Variants in MAGI2 observed in about 807,000 individuals in gnomAD.
MAGI2 encodes membrane associated guanylate kinase, WW and PDZ domain containing 2, also known as membrane-associated guanylate kinase, WW and PDZ domain-containing protein 2.
MAGI2 carries 35 observed loss-of-function variants against 133.3 expected under a neutral mutation model. That is an observed-to-expected ratio of 0.26 (90% CI 0.20 to 0.35). The LOEUF (loss-of-function observed/expected upper bound fraction) is 0.35. MAGI2 is among the 10% of genes least tolerant of loss of function. MAGI2 has a pLI of 1.00. For missense variants in MAGI2, 1,636 were observed against 1,863.4 expected, an observed-to-expected ratio of 0.88 and a Z score of 2.25; for synonymous variants, 729 against 710.6, an observed-to-expected ratio of 1.03 and a Z score of -0.41.
intron 10 of MAGI2, among the ~76,000 whole-genome samples, chr7:78,227,883 T>TGTGTGTGTG (rs1563292086): frequency 2.0e-5 from 3 of 149,316 alleles, no homozygotes; most frequent in South Asian, 2.1e-4. Flanking sequence ...TGTGTGTGTG[T>TGTGTGTGTG]TTTAAACCCT....
intron 1 of MAGI2, among the ~76,000 whole-genome samples, chr7:79,421,749 A>T (rs1002793087): frequency 6.6e-6 from 1 of 152,058 alleles, no homozygotes; most frequent in African/African-American, 2.4e-5. Flanking sequence ...AGACATTCAC[A>T]ACACAGACTG....
At chr7:78,730,113 A>C (rs1821224415) in intron 2 of MAGI2, among the ~76,000 whole-genome samples, 1 of 152,176 alleles carries the variant, frequency 6.6e-6, no homozygotes, top group Admixed American at 6.5e-5. Flanking sequence ...TCAAAGCTAG[A>C]AATGTTTATT....
chr7:79,295,038 A>G (rs994574916), intron 1 of MAGI2, among the ~76,000 whole-genome samples: 1 of 151,934 alleles, frequency 6.6e-6, no homozygotes, highest in Non-Finnish European at 1.5e-5. Flanking sequence ...GCAACTGGCC[A>G]TATTGTGGTA....
At chr7:79,084,945 T>C (rs2129542134) in intron 1 of MAGI2, among the ~76,000 whole-genome samples, 1 of 152,024 alleles carries the variant, frequency 6.6e-6, no homozygotes, top group Admixed American at 6.6e-5. Context: ...GTTGATGTTA[T>C]CGAGAACTCA....
chr7:78,629,002 T>G (rs1354944267), intron 2 of MAGI2, among the ~76,000 whole-genome samples: 1 of 152,086 alleles, frequency 6.6e-6, no homozygotes, highest in Non-Finnish European at 1.5e-5. Context: ...GCTGCACACT[T>G]TAACTGCTTG....
At chr7:78,775,718 G>A (rs761605126) in intron 2 of MAGI2, among the ~76,000 whole-genome samples, 1 of 152,146 alleles carries the variant, frequency 6.6e-6, no homozygotes, top group Non-Finnish European at 1.5e-5. Context: ...AAAGGATTTA[G>A]CTTTTTTAAT....
chr7:78,351,173 G>A (rs1396044442), intron 7 of MAGI2, among the ~76,000 whole-genome samples: 2 of 152,044 alleles, frequency 1.3e-5, no homozygotes, highest in Non-Finnish European at 2.9e-5. Flanking sequence ...GCAGGAAAGA[G>A]GATATATCTC....
At chr7:78,806,936 T>A (rs1043763660) in intron 2 of MAGI2, among the ~76,000 whole-genome samples, 1 of 151,638 alleles carries the variant, frequency 6.6e-6, no homozygotes, top group Non-Finnish European at 1.5e-5. Flanking sequence ...TTCGTAATGG[T>A]TCCTTATTAG....
At chr7:78,196,054 G>C (rs116839399) in intron 11 of MAGI2, among the ~76,000 whole-genome samples, 1,783 of 152,282 alleles carry the variant, frequency 0.012, 26 homozygotes, top group African/African-American at 0.041. Context: ...GCCTGGGTCT[G>C]CTCACCTTCC....
chr7:78,622,386 CG>C (rs1456776569), intron 3 of MAGI2, among the ~76,000 whole-genome samples: 1 of 151,844 alleles, frequency 6.6e-6, no homozygotes, highest in Non-Finnish European at 1.5e-5. Context: ...CTGCAGTAGG[CG>C]AGGAGGAGGA....
rs1797556797 is a variant in MAGI2 at position 78,532,556 on chromosome 7, CT to C, written c.539-10912del. On this transcript the variant is annotated intron_variant, in intron 3 of 21. Coordinates refer to ENST00000354212, the MANE Select transcript of MAGI2 (RefSeq NM_012301.4). The stretch of plus-strand genomic sequence containing the variant: ...TTTGTGGAAGGTCATATATAAAGCA[CT>C]TCGACTTTATATTTTAGTCTATGTG... Among the ~76,000 whole-genome samples the C allele has an allele frequency of 2.0e-5, 3 of 152,316 alleles. No individual in the cohort carries two copies. The East Asian group carries it at 5.8e-4, about 29-fold the overall frequency.
chr7:78,128,095 A>T (rs756634942), intron 18 of MAGI2, among the ~76,000 whole-genome samples: 4 of 152,170 alleles, frequency 2.6e-5, no homozygotes, highest in Admixed American at 6.5e-5. Flanking sequence ...AGCATCAAAT[A>T]CTACTGTGGT....
intron 2 of MAGI2, among the ~76,000 whole-genome samples, chr7:78,678,671 C>T (rs1815309352): frequency 6.6e-6 from 1 of 152,054 alleles, no homozygotes. Context: ...CTGTTGATTC[C>T]TTGAGTGGTG....
chr7:79,153,626 T>C (rs1010824168), intron 1 of MAGI2, among the ~76,000 whole-genome samples: 6 of 152,252 alleles, frequency 3.9e-5, no homozygotes, highest in East Asian at 1.9e-4. Flanking sequence ...TAGGAAGGCA[T>C]TGAAGTGGGC....
chr7:79,171,160 T>C (rs2129548576), intron 1 of MAGI2, among the ~76,000 whole-genome samples: 1 of 152,158 alleles, frequency 6.6e-6, no homozygotes, highest in Non-Finnish European at 1.5e-5. Context: ...GTTCTAGAAG[T>C]CAGAAGTCTG....
At chr7:78,991,006 G>C (rs1456041261) in intron 2 of MAGI2, among the ~76,000 whole-genome samples, 2 of 148,750 alleles carry the variant, frequency 1.3e-5, no homozygotes, top group Admixed American at 1.4e-4. Context: ...CCCATGTGTC[G>C]AGGGAGGGAT....
At position 79,186,223 on chromosome 7, in the gene MAGI2, TA is replaced by T. The variant is rs1562973031; in HGVS notation, c.302-179018del. Reference sequence around the variant, plus strand: ...ATATATATATATATATATATATATATATATATATATATATATATATTTATAT... The same window carrying T: ...ATATATATATATATATATATATATATTATATATATATATATATATTTATAT... On this transcript the variant is annotated intron_variant, in intron 1 of 21. Transcript: ENST00000354212. Among the ~76,000 whole-genome samples the T allele has an allele frequency of 1.8e-3, 228 of 127,784 alleles. 4 individuals carry two copies. The highest frequency in any genetic ancestry group is 6.2e-3 in the African/African-American group (218 of 35,194). 83.8% of individuals were successfully genotyped at this position (127,784 alleles called of 152,430 possible).
chr7:79,001,390 C>T (rs755091749), intron 2 of MAGI2, among the ~76,000 whole-genome samples: 1 of 152,150 alleles, frequency 6.6e-6, no homozygotes, highest in Non-Finnish European at 1.5e-5. Flanking sequence ...TTTTAACCAC[C>T]TTCCTTTTCA....
chr7:78,467,434 G>C (rs1441153531), intron 6 of MAGI2, among the ~76,000 whole-genome samples: 4 of 151,968 alleles, frequency 2.6e-5, no homozygotes, highest in African/African-American at 9.7e-5. Context: ...GAAAAAGAGA[G>C]TTTAATTAAA....
Sources: gnomAD v4.1 joint callset for allele counts (sites outside exome capture counted in the v4.1 genomes callset) on GRCh38, gnomAD v4.1.1 for gene constraint, MANE v1.5 for transcripts, NCBI Gene and HGNC (gene_info 2026-07-23, HGNC 2026-07-21) for gene names.